The following YEATS2 variants were observed in gnomAD, a reference collection of about 807,000 sequenced individuals.
YEATS2 encodes YEATS domain-containing protein 2.
A neutral mutation model predicts 163.2 loss-of-function variants in YEATS2; 77 were observed. That is an observed-to-expected ratio of 0.47 (90% confidence interval 0.39 to 0.57). The LOEUF (loss-of-function observed/expected upper bound fraction) is 0.57, where lower values mean the gene tolerates loss of function less well. Ranked by LOEUF, YEATS2 falls within the 20% of genes least tolerant of loss-of-function variation. YEATS2 has a pLI of 0.00. For synonymous variants in YEATS2, 631 were observed against 645.1 expected (o/e 0.98, Z 0.33); for missense variants, 1,549 against 1,729.8 (o/e 0.90, Z 1.85).
At chr3:183,739,248 C>T (rs966700111) in intron 8 of YEATS2, among the ~76,000 whole-genome samples, 14 of 151,690 alleles carry the variant, frequency 9.2e-5, no homozygotes, top group Non-Finnish European at 1.6e-4. Flanking sequence ...AGCTGATAAG[C>T]AACTTCAGCA....
In YEATS2 at chr3:183,761,589, C is replaced by T; in HGVS notation, c.1739C>T (p.Thr580Ile). 1 of 1,614,170 alleles carries T rather than the reference C, an allele frequency of 6.2e-7. No individual in the cohort carries two copies. Among genetic ancestry groups the T allele is most frequent in the Non-Finnish European group, 8.5e-7 (1 of 1,180,000 alleles). The stretch of plus-strand genomic sequence containing the variant: ...AAGGTTCAAAGCCCCAAACCTATAA[C>T]AGGAGGACTTGGAGCTTTCACAAAA... ...HPKVQSPKPI[T>I]GGLGAFTKVI... The change falls in exon 14 of 31, where the codon ACA (threonine) becomes ATA (isoleucine). Residue 580 changes from threonine to isoleucine, a missense_variant. Thr to Ile is a moderately conservative substitution (Grantham distance 89, BLOSUM62 -1). Transcript: ENST00000305135.
At chr3:183,723,485 T>TA (rs1440364193) in intron 5 of YEATS2, among the ~76,000 whole-genome samples, 3 of 152,180 alleles carry the variant, frequency 2.0e-5, no homozygotes, top group African/African-American at 7.2e-5. Context: ...TACAGAAAAG[T>TA]AAAAAAGAAT....
In YEATS2 at chr3:183,698,011, C is replaced by T. The variant is rs1470429442; in HGVS notation, c.-20+18C>T. ...GAGAAAGGGTGAGTGTTGGCGGGCG[C>T]AGGAAGGGACCGGCCGGGAGCGCGC... is the stretch of plus-strand genomic sequence containing the variant. On this transcript the variant is annotated intron_variant, in intron 1 of 30. Transcript: ENST00000305135. 1.3e-5 allele frequency: 2 copies of T among 151,862 alleles called. No homozygotes were observed. Among genetic ancestry groups the T allele is most frequent in the Non-Finnish European group, 2.9e-5 (2 of 67,930 alleles). The allele number at this position is 151,862 out of a possible 1,614,324, so 9.4% of individuals were successfully genotyped here.
At chr3:183,730,933 A>T (rs1268433120) in intron 7 of YEATS2, among the ~76,000 whole-genome samples, 1 of 152,202 alleles carries the variant, frequency 6.6e-6, no homozygotes, top group East Asian at 1.9e-4. Flanking sequence ...TTTTGTGGGC[A>T]AGAAATAGAA....
At chr3:183,797,284 A>G (rs1353979527) in intron 21 of YEATS2, among the ~76,000 whole-genome samples, 4 of 150,640 alleles carry the variant, frequency 2.7e-5, no homozygotes, top group Admixed American at 6.6e-5. Context: ...AAAAAAAAAA[A>G]AAAAGCCCAG....
intron 1 of YEATS2, among the ~76,000 whole-genome samples, chr3:183,713,302 C>A (rs913673912): frequency 1.3e-5 from 2 of 152,146 alleles, no homozygotes; most frequent in African/African-American, 4.8e-5. Flanking sequence ...CGGTGGCTCA[C>A]ACCTGTAATC....
At position 183,790,848 on chromosome 3, in the gene YEATS2, ACTT is replaced by A. The variant is rs1378781622; in HGVS notation, c.2968_2970del (p.Ser990del). On this transcript the variant is annotated inframe_deletion, in exon 21 of 31. Transcript: ENST00000305135. Reference sequence around the variant, plus strand: ...ATCTACGGTCAGTTCTGTAACGAAAACTTCTGGGCAGCAGCAAGTGTGTGTGAG... The same window carrying A: ...ATCTACGGTCAGTTCTGTAACGAAAACTGGGCAGCAGCAAGTGTGTGTGAG... 1 of 1,614,082 alleles carries A rather than the reference ACTT, an allele frequency of 6.2e-7. No individual in the cohort carries two copies. Among genetic ancestry groups the A allele is most frequent in the African/African-American group, 1.3e-5 (1 of 75,016 alleles).
chr3:183,797,274 A>G (rs1287787927), intron 21 of YEATS2, among the ~76,000 whole-genome samples: 2 of 149,954 alleles, frequency 1.3e-5, no homozygotes, highest in African/African-American at 2.5e-5. Context: ...ACTCTGAAAA[A>G]AAAAAAAAAA....
rs1260318259 is a variant in YEATS2 at position 183,806,886 on chromosome 3, T to C, written c.3805T>C (p.Ser1269Pro). 1 of 1,613,862 alleles carries C rather than the reference T, an allele frequency of 6.2e-7. No individual in the cohort carries two copies. The highest frequency in any genetic ancestry group is 2.2e-5 in the East Asian group (1 of 44,890). Residue 1269 changes from serine to proline, a missense_variant, in exon 28 of 31, where the codon TCT becomes CCT. Coordinates refer to ENST00000305135, the MANE Select transcript of YEATS2 (RefSeq NM_018023.5). ...SEPECPSSFS[S>P]ADNLCRKLED... ...TTTAGAGTGCCCATCATCATTCTCC[T>C]CTGCTGACAACCTCTGCCGCAAACT... is the stretch of plus-strand genomic sequence containing the variant.
chr3:183,716,050 C>T (rs1477071076), intron 2 of YEATS2, among the ~76,000 whole-genome samples: 1 of 152,060 alleles, frequency 6.6e-6, no homozygotes, highest in East Asian at 1.9e-4. Flanking sequence ...AGCTCTGCTT[C>T]CCCGGTTCGC....
At chr3:183,727,427 G>A (rs1403303367) in intron 6 of YEATS2, among the ~76,000 whole-genome samples, 5 of 152,040 alleles carry the variant, frequency 3.3e-5, no homozygotes, top group Admixed American at 1.3e-4. Context: ...TTTCTGGGCC[G>A]ACCTGTCTTG....
In YEATS2 at chr3:183,801,540, A is replaced by C. The variant is rs1725665611; in HGVS notation, c.3502+12A>C. 2 of 1,598,228 alleles carry C rather than the reference A, an allele frequency of 1.3e-6. No homozygotes were observed. Among genetic ancestry groups the C allele is most frequent in the Non-Finnish European group, 1.7e-6 (2 of 1,169,566 alleles). Reference sequence around the variant, plus strand: ...AATCACTGCAAAAAGTAAGACAATTACACTGAATATAGGGGTGCATTTTTG... The same window carrying C: ...AATCACTGCAAAAAGTAAGACAATTCCACTGAATATAGGGGTGCATTTTTG... On this transcript the variant is annotated intron_variant, in intron 25 of 30. Transcript: ENST00000305135.
chr3:183,787,015 C>T (rs537474306), intron 20 of YEATS2, among the ~76,000 whole-genome samples: 83 of 152,084 alleles, frequency 5.5e-4, no homozygotes, highest in Non-Finnish European at 7.5e-4. Context: ...AGTGCAGTGA[C>T]GAGATCTCGG....
chr3:183,810,013 G>C (rs1726633632), intron 30 of YEATS2: 1 of 161,602 alleles, frequency 6.2e-6, no homozygotes, highest in Non-Finnish European at 1.3e-5. Flanking sequence ...TGTGGCCCCT[G>C]CTTACCTCTG....
chr3:183,748,766 A>AT (rs1478662045), intron 9 of YEATS2, among the ~76,000 whole-genome samples: 1 of 151,794 alleles, frequency 6.6e-6, no homozygotes, highest in Non-Finnish European at 1.5e-5. Flanking sequence ...AGCCCAGCTA[A>AT]TTTTTACATT....
At chr3:183,703,742 A>G in intron 1 of YEATS2, among the ~76,000 whole-genome samples, 1 of 152,114 alleles carries the variant, frequency 6.6e-6, no homozygotes, top group Non-Finnish European at 1.5e-5. Flanking sequence ...TAGAGTGTAC[A>G]TTGAACAGTC....
intron 9 of YEATS2, among the ~76,000 whole-genome samples, chr3:183,751,087 A>G (rs1162689093): frequency 4.6e-5 from 7 of 152,060 alleles, no homozygotes; most frequent in Non-Finnish European, 7.4e-5. Flanking sequence ...TTTAGCTTTT[A>G]TGTTTCGTTC....
In YEATS2 at chr3:183,736,726, C is replaced by T; in HGVS notation, c.821C>T (p.Pro274Leu). ...PNDLVEVREP[P>L]FHLTRRGWGE... is the part of the protein sequence containing the mutation. The stretch of plus-strand genomic sequence containing the variant: ...TATCTGCTTTTCCATAGAGAGCCTC[C>T]TTTTCACCTGACCAGAAGAGGCTGG... The change falls in exon 8 of 31, where the codon CCT (proline) becomes CTT (leucine). Residue 274 changes from proline to leucine, a missense_variant. Transcript: ENST00000305135. 6.2e-7 allele frequency: 1 copy of T among 1,613,132 alleles called. No individual in the cohort carries two copies. The highest frequency in any genetic ancestry group is 8.5e-7 in the Non-Finnish European group (1 of 1,179,646).
At chr3:183,717,204 A>G (rs1447946818) in intron 2 of YEATS2, among the ~76,000 whole-genome samples, 5 of 151,870 alleles carry the variant, frequency 3.3e-5, no homozygotes, top group Non-Finnish European at 7.4e-5. Context: ...CCAGTGTTGT[A>G]TTTTATAGCT....
Sources: allele counts gnomAD v4.1 joint callset (sites outside exome capture counted in the v4.1 genomes callset), GRCh38; gene constraint gnomAD v4.1.1; transcripts MANE v1.5; gene names NCBI Gene and HGNC (gene_info 2026-07-23, HGNC 2026-07-21).